The following DOCK4 variants were observed in gnomAD, a reference collection of about 807,000 sequenced individuals.
The protein encoded by DOCK4 is dedicator of cytokinesis 4, also known as dedicator of cytokinesis protein 4.
A neutral mutation model predicts 268.1 loss-of-function variants in DOCK4; 97 were observed. The observed-to-expected ratio is 0.36, with a 90% confidence interval of 0.31 to 0.43. DOCK4 has a LOEUF of 0.43. Among genes scored for constraint, DOCK4 ranks in the 20% least tolerant of loss-of-function variants. The probability of loss-of-function intolerance (pLI) is 1.00; values close to 1 mark genes in which losing one functional copy is unlikely to be tolerated. For missense variants in DOCK4, 2,145 were observed against 2,455.7 expected (o/e 0.87, Z 2.67); for synonymous variants, 954 against 887.2 (o/e 1.08, Z -1.34).
intron 27 of DOCK4, among the ~76,000 whole-genome samples, chr7:111,815,924 G>T (rs1003938752): frequency 3.3e-5 from 5 of 152,064 alleles, no homozygotes; most frequent in African/African-American, 1.2e-4. Flanking sequence ...GCCCGCCTCG[G>T]CCCCACTGTG....
At chr7:112,198,675 C>T (rs1820668387) in intron 1 of DOCK4, among the ~76,000 whole-genome samples, 1 of 152,144 alleles carries the variant, frequency 6.6e-6, no homozygotes, top group South Asian at 2.1e-4. Context: ...TATTTCCAAA[C>T]AGATTTTTTA....
At chr7:111,741,447 A>G (rs898366723) in intron 46 of DOCK4, 93 bp downstream of exon 46, 8 of 1,530,048 alleles carry the variant, frequency 5.2e-6, no homozygotes, top group African/African-American at 4.1e-5. Context: ...GAAATAGCGT[A>G]TTTGACAAAT....
At chr7:111,884,411 C>G (rs979253456) in intron 16 of DOCK4, among the ~76,000 whole-genome samples, 1 of 152,204 alleles carries the variant, frequency 6.6e-6, no homozygotes, top group Non-Finnish European at 1.5e-5. Context: ...TTTGTATTCA[C>G]AACTACCATA....
chr7:111,734,219 G>C (rs928194804), intron 51 of DOCK4, among the ~76,000 whole-genome samples: 3 of 151,926 alleles, frequency 2.0e-5, no homozygotes, highest in East Asian at 3.9e-4. Context: ...TGGGATTACA[G>C]GTGTGAACTA....
Position 111,944,843 on chromosome 7 carries a change from T to C in DOCK4, c.812A>G (p.Asp271Gly), listed in dbSNP as rs745325127. 2 of 1,613,980 alleles carry C rather than the reference T, an allele frequency of 1.2e-6. No homozygotes were observed. Among genetic ancestry groups the C allele is most frequent in the East Asian group, 2.2e-5 (1 of 44,866 alleles). ...GATAATGTGCACGGTGATATAAATG[T>C]CCTTTCTTAGCTCACTGCTGCCCAA... ...VDLGSSELRK[D>G]IYITVHIIRI... The change falls in exon 10 of 53, where the codon GAC (aspartate) becomes GGC (glycine). Residue 271 changes from aspartate to glycine, a missense_variant. By Grantham distance (94) the Asp-to-Gly change is moderately conservative. This residue lies in a region of DOCK4 where 1,598 missense variants were observed against 1,986.7 expected (regional missense o/e 0.80). Transcript: ENST00000428084.
intron 31 of DOCK4, 114 bp downstream of exon 31, chr7:111,790,343 C>T (rs1287763340): frequency 4.7e-6 from 6 of 1,289,972 alleles, no homozygotes; most frequent in Non-Finnish European, 6.4e-6. Flanking sequence ...AGGCTGGAAT[C>T]TAGGTCTGCT....
chr7:112,194,687 G>A (rs58751772), intron 1 of DOCK4, among the ~76,000 whole-genome samples: 5 of 152,176 alleles, frequency 3.3e-5, no homozygotes, highest in Admixed American at 1.3e-4. Flanking sequence ...TAAAAGAAAT[G>A]TATGCTAATT....
intron 30 of DOCK4, 118 bp downstream of exon 30, chr7:111,808,703 T>C (rs1306599554): frequency 1.0e-5 from 10 of 993,876 alleles, no homozygotes; most frequent in African/African-American, 3.3e-5. Context: ...TAGATGTTTA[T>C]TGATTTAGAC....
chr7:111,993,279 C>A (rs1012521549), intron 5 of DOCK4, among the ~76,000 whole-genome samples: 2 of 152,164 alleles, frequency 1.3e-5, no homozygotes, highest in African/African-American at 4.8e-5. Flanking sequence ...GATAAGCACA[C>A]GTTTGTATTT....
chr7:111,769,433 T>C (rs1797975420), intron 37 of DOCK4, 96 bp downstream of exon 37: 2 of 1,471,626 alleles, frequency 1.4e-6, no homozygotes, highest in Non-Finnish European at 1.9e-6. Flanking sequence ...GGATCCCTGC[T>C]TAAGGAGGTG....
chr7:112,085,418 A>T (rs940055887), intron 1 of DOCK4, among the ~76,000 whole-genome samples: 4 of 152,000 alleles, frequency 2.6e-5, no homozygotes, highest in Non-Finnish European at 1.5e-5. Context: ...ATATATAAAA[A>T]CTCATGAGTT....
chr7:111,739,361 G>A (rs1485728775), intron 48 of DOCK4, 35 bp downstream of exon 48: 1 of 1,594,060 alleles, frequency 6.3e-7, no homozygotes, highest in Non-Finnish European at 8.6e-7. Flanking sequence ...AGGTTCTCTG[G>A]GCACCCTCAG....
chr7:111,796,626 T>C (rs1335015932), intron 30 of DOCK4, among the ~76,000 whole-genome samples: 2 of 152,034 alleles, frequency 1.3e-5, no homozygotes, highest in Non-Finnish European at 2.9e-5. Flanking sequence ...AAGGGGATTT[T>C]AAGTTCGGAA....
intron 1 of DOCK4, among the ~76,000 whole-genome samples, chr7:112,131,383 G>T (rs949131711): frequency 2.6e-5 from 4 of 152,078 alleles, no homozygotes; most frequent in Non-Finnish European, 5.9e-5. Context: ...AAAACTCCAG[G>T]GTAGATCCTT....
intron 16 of DOCK4, among the ~76,000 whole-genome samples, chr7:111,879,457 G>A (rs1807192161): frequency 6.6e-6 from 1 of 152,112 alleles, no homozygotes; most frequent in African/African-American, 2.4e-5. Flanking sequence ...AGCAAAGGGG[G>A]CTTTGCCTTG....
At chr7:112,050,835 C>A (rs542358300) in intron 1 of DOCK4, among the ~76,000 whole-genome samples, 1 of 152,154 alleles carries the variant, frequency 6.6e-6, no homozygotes, top group African/African-American at 2.4e-5. Context: ...TTGAAATTGC[C>A]AAGTATTACT....
chr7:112,172,414 A>G (rs1818165975), intron 1 of DOCK4, among the ~76,000 whole-genome samples: 1 of 152,192 alleles, frequency 6.6e-6, no homozygotes, highest in Admixed American at 6.5e-5. Context: ...TATCTCTCAG[A>G]AGACTTGTTC....
intron 40 of DOCK4, among the ~76,000 whole-genome samples, chr7:111,759,664 A>G (rs1274641178): frequency 6.6e-6 from 1 of 151,966 alleles, no homozygotes; most frequent in Non-Finnish European, 1.5e-5. Flanking sequence ...GTGTTTAGAC[A>G]ATAAGAGCAT....
intron 3 of DOCK4, among the ~76,000 whole-genome samples, chr7:111,999,935 T>C (rs1234232975): frequency 6.6e-6 from 1 of 152,048 alleles, no homozygotes; most frequent in African/African-American, 2.4e-5. Context: ...AAAATGACAT[T>C]ACTTCTTGCT....
Sources: allele counts gnomAD v4.1 joint callset (sites outside exome capture counted in the v4.1 genomes callset), GRCh38; gene constraint gnomAD v4.1.1; regional missense constraint gnomAD v4.1.1; transcripts MANE v1.5; gene names NCBI Gene and HGNC (gene_info 2026-07-23, HGNC 2026-07-21).